KCNN2: variants seen among roughly 807,000 people sequenced by gnomAD.
KCNN2 encodes potassium calcium-activated channel subfamily N member 2.
A neutral mutation model predicts 55.5 loss-of-function variants in KCNN2; 24 were observed. The ratio of observed to expected loss-of-function variants is 0.43; its 90% CI spans 0.31 to 0.61. The LOEUF (loss-of-function observed/expected upper bound fraction) is 0.61. Among genes scored for constraint, KCNN2 ranks in the 20% least tolerant of loss-of-function variants. KCNN2 has a pLI of 0.08. For missense variants in KCNN2, 754 were observed against 853.6 expected, an observed-to-expected ratio of 0.88 and a Z score of 1.45; for synonymous variants, 431 against 336.1, an observed-to-expected ratio of 1.28 and a Z score of -3.09.
intron 3 of KCNN2, among the ~76,000 whole-genome samples, chr5:114,434,558 GT>G (rs1759935625): frequency 6.6e-6 from 1 of 152,140 alleles, no homozygotes; most frequent in Non-Finnish European, 1.5e-5. Context: ...AAGATACTGG[GT>G]AAAAGGAGCT....
chr5:114,192,089 T>C (rs756905306), intron 1 of KCNN2, among the ~76,000 whole-genome samples: 8 of 152,196 alleles, frequency 5.3e-5, no homozygotes, highest in Admixed American at 2.0e-4. Context: ...TTAGCCAAGA[T>C]GTGCATTTTT....
At chr5:114,486,335 G>T (rs541000450) in intron 5 of KCNN2, among the ~76,000 whole-genome samples, 1 of 152,284 alleles carries the variant, frequency 6.6e-6, no homozygotes, top group East Asian at 1.9e-4. Context: ...CAGCTCCCAG[G>T]ATTTGTTGAA....
chr5:114,184,180 C>G (rs555188476), intron 1 of KCNN2, among the ~76,000 whole-genome samples: 1 of 152,230 alleles, frequency 6.6e-6, no homozygotes, highest in Admixed American at 6.5e-5. Context: ...TTACTAATTA[C>G]AAAGGACTCA....
intron 2 of KCNN2, among the ~76,000 whole-genome samples, chr5:114,259,161 G>A (rs1755047450): frequency 6.6e-6 from 1 of 152,198 alleles, no homozygotes; most frequent in Non-Finnish European, 1.5e-5. Context: ...GAGCCCATAG[G>A]CAGGGAGTTT....
At chr5:114,467,578 C>CTAT (rs1319775971) in intron 4 of KCNN2, among the ~76,000 whole-genome samples, 2 of 152,120 alleles carry the variant, frequency 1.3e-5, no homozygotes, top group African/African-American at 2.4e-5. Context: ...ACAATAGTTT[C>CTAT]TATTTTGTGC....
intron 2 of KCNN2, among the ~76,000 whole-genome samples, chr5:114,313,208 C>G (rs527262203): frequency 6.6e-6 from 1 of 152,186 alleles, no homozygotes; most frequent in South Asian, 2.1e-4. Context: ...AGATTGTCAC[C>G]TCCTTCAAAT....
chr5:114,159,839 C>G (rs553288810), intron 1 of KCNN2, among the ~76,000 whole-genome samples: 1 of 152,030 alleles, frequency 6.6e-6, no homozygotes, highest in Non-Finnish European at 1.5e-5. Context: ...TCTGTGAGAT[C>G]GGTGGTGACA....
intron 1 of KCNN2, among the ~76,000 whole-genome samples, chr5:114,060,808 A>C (rs1481660629): frequency 6.6e-6 from 1 of 152,242 alleles, no homozygotes; most frequent in Non-Finnish European, 1.5e-5. Flanking sequence ...TAAGAAGGGC[A>C]CAGTGGAAAT....
intron 2 of KCNN2, among the ~76,000 whole-genome samples, chr5:114,275,111 G>T (rs993825564): frequency 6.6e-6 from 1 of 152,080 alleles, no homozygotes; most frequent in Non-Finnish European, 1.5e-5. Context: ...TTTGTCATTC[G>T]ATCTGTTTAT....
At position 114,352,760 on chromosome 5, in the gene KCNN2, G is replaced by A. The variant is rs557050842; in HGVS notation, c.-184-8185G>A. ...TTTTAAAGAATTTGTATAAATATAC[G>A]AGGTACAAGTGCAATTTTGTTACAA... On this transcript the variant is annotated intron_variant, in intron 2 of 10. Coordinates refer to the KCNN2 transcript ENST00000512097. Among the ~76,000 whole-genome samples the A allele has an allele frequency of 2.6e-5, 4 of 151,856 alleles. No homozygotes were observed. In the South Asian group the frequency reaches 8.3e-4, roughly 32 times the overall value.
intron 1 of KCNN2, among the ~76,000 whole-genome samples, chr5:114,089,057 G>A (rs558758360): frequency 1.3e-4 from 19 of 151,996 alleles, no homozygotes; most frequent in South Asian, 4.2e-4. Flanking sequence ...ATCACCTGTC[G>A]TTTTGGAGCC....
At position 114,138,811 on chromosome 5, in the gene KCNN2, A is replaced by C. The variant is rs1752219704; in HGVS notation, c.-271+82311A>C. On this transcript the variant is annotated intron_variant, in intron 1 of 10. Coordinates refer to the KCNN2 transcript ENST00000512097. The stretch of plus-strand genomic sequence containing the variant: ...AGAGGAGAGTTTCATAGTTGAGGCT[A>C]AAGACAAGGCAGAATGAGAAACATG... 3.9e-5 allele frequency among the ~76,000 whole-genome samples: 6 copies of C among 152,276 alleles called. No homozygotes were observed. The South Asian group carries it at 1.2e-3, about 32-fold the overall frequency.
Position 114,251,387 on chromosome 5 carries a change from C to T in KCNN2, c.-185+29822C>T, listed in dbSNP as rs1037098539. On this transcript the variant is annotated intron_variant, in intron 2 of 10. Coordinates refer to the KCNN2 transcript ENST00000512097. ...TATCTATTAAATATATAACTTTGAA[C>T]AAATTACTTAACTTTTCTGAGTCTC... Among the ~76,000 whole-genome samples the T allele has an allele frequency of 2.3e-4, 35 of 152,174 alleles. 1 individual carries two copies.
chr5:114,290,974 A>G (rs570873161), intron 2 of KCNN2, among the ~76,000 whole-genome samples: 1 of 152,190 alleles, frequency 6.6e-6, no homozygotes, highest in East Asian at 1.9e-4. Context: ...TTTAACCTTA[A>G]TAAAACTTGT....
chr5:114,344,484 G>T (rs1428521114), intron 2 of KCNN2, among the ~76,000 whole-genome samples: 3 of 152,168 alleles, frequency 2.0e-5, no homozygotes, highest in Non-Finnish European at 4.4e-5. Context: ...AACCTGGGAA[G>T]CTCTTTCAAG....
chr5:114,372,742 C>G (rs1490053566), intron 2 of KCNN2, among the ~76,000 whole-genome samples: 9 of 151,960 alleles, frequency 5.9e-5, no homozygotes, highest in African/African-American at 2.2e-4. Context: ...TATGGACATG[C>G]TATTTGATAC....
intron 1 of KCNN2, among the ~76,000 whole-genome samples, chr5:114,143,257 C>A (rs1292666204): frequency 6.6e-6 from 1 of 152,010 alleles, no homozygotes; most frequent in Non-Finnish European, 1.5e-5. Flanking sequence ...GTACAGTATA[C>A]AGAGATAAAA....
intron 1 of KCNN2, among the ~76,000 whole-genome samples, chr5:114,145,224 G>A (rs906825202): frequency 6.6e-6 from 1 of 152,196 alleles, no homozygotes; most frequent in Non-Finnish European, 1.5e-5. Context: ...TAGAGAAAAT[G>A]TTGACAATCT....
At chr5:114,289,506 A>G (rs1480896494) in intron 2 of KCNN2, among the ~76,000 whole-genome samples, 1 of 151,578 alleles carries the variant, frequency 6.6e-6, no homozygotes, top group Non-Finnish European at 1.5e-5. Context: ...CCTCCCAAGT[A>G]TCTGGGATTA....
Sources: allele counts gnomAD v4.1 joint callset (sites outside exome capture counted in the v4.1 genomes callset), GRCh38; gene constraint gnomAD v4.1.1; transcripts MANE v1.5; gene names NCBI Gene and HGNC (gene_info 2026-07-23, HGNC 2026-07-21).